The following MAP4K4 variants were observed in gnomAD, a reference collection of about 807,000 sequenced individuals.
MAP4K4 encodes HPK/GCK-like kinase HGK.
A neutral mutation model predicts 189.6 loss-of-function variants in MAP4K4; 38 were observed. The ratio of observed to expected loss-of-function variants is 0.20; its 90% CI spans 0.15 to 0.26. MAP4K4 has a LOEUF of 0.26. MAP4K4 is among the 10% of genes least tolerant of loss of function. The pLI is 1.00. For missense variants in MAP4K4, 1,054 were observed against 1,726.9 expected, an observed-to-expected ratio of 0.61 and a Z score of 6.91; for synonymous variants, 610 against 624.3, an observed-to-expected ratio of 0.98 and a Z score of 0.34.
chr2:101,752,477 C>T (rs988000372), intron 2 of MAP4K4, among the ~76,000 whole-genome samples: 2 of 152,156 alleles, frequency 1.3e-5, no homozygotes, highest in Non-Finnish European at 2.9e-5. Context: ...TGCATTTTCT[C>T]ATATCCTTAT....
intron 2 of MAP4K4, among the ~76,000 whole-genome samples, chr2:101,731,501 G>A (rs1361144326): frequency 2.6e-5 from 4 of 152,110 alleles, no homozygotes; most frequent in African/African-American, 4.8e-5. Context: ...GCTCACGCCT[G>A]TAATCCAAGC....
chr2:101,797,207 T>A, intron 3 of MAP4K4: 1 of 1,279,950 alleles, frequency 7.8e-7, no homozygotes, highest in Non-Finnish European at 1.0e-6. Flanking sequence ...GAAGGAGAGA[T>A]CTCTGTGGCC....
intron 2 of MAP4K4, among the ~76,000 whole-genome samples, chr2:101,725,121 C>A (rs1300796569): frequency 1.3e-5 from 2 of 152,068 alleles, no homozygotes; most frequent in African/African-American, 2.4e-5. Context: ...AGAACGTGTC[C>A]TCATCATCAA....
intron 2 of MAP4K4, among the ~76,000 whole-genome samples, chr2:101,715,173 G>A (rs1353256097): frequency 1.3e-5 from 2 of 152,096 alleles, no homozygotes; most frequent in African/African-American, 4.8e-5. Context: ...TTTGCAAATG[G>A]CCACCTTCTT....
intron 2 of MAP4K4, among the ~76,000 whole-genome samples, chr2:101,758,959 G>A (rs913433882): frequency 5.3e-5 from 8 of 151,660 alleles, no homozygotes; most frequent in African/African-American, 1.7e-4. Flanking sequence ...TGGTGAAACC[G>A]CGTCTCTACT....
intron 24 of MAP4K4, among the ~76,000 whole-genome samples, 194 bp from the exon 25 acceptor site, chr2:101,873,453 C>T (rs894010009): frequency 2.0e-5 from 3 of 152,036 alleles, no homozygotes; most frequent in African/African-American, 7.3e-5. Flanking sequence ...TGCAGTGGTT[C>T]CAGGTAAAGC....
intron 27 of MAP4K4, among the ~76,000 whole-genome samples, chr2:101,878,584 CAT>C (rs1234958512): frequency 7.9e-5 from 12 of 152,088 alleles, no homozygotes; most frequent in East Asian, 3.9e-4. Flanking sequence ...TTTTTTCTCT[CAT>C]GTGAACATTT....
intron 24 of MAP4K4, among the ~76,000 whole-genome samples, chr2:101,873,080 C>T (rs2098098192): frequency 6.6e-6 from 1 of 152,138 alleles, no homozygotes; most frequent in Non-Finnish European, 1.5e-5. Flanking sequence ...AAAAGATACG[C>T]CTTCTTTTGT....
intron 12 of MAP4K4, among the ~76,000 whole-genome samples, chr2:101,849,730 C>T (rs1338125943): frequency 6.7e-6 from 1 of 148,908 alleles, no homozygotes; most frequent in Admixed American, 6.7e-5. Flanking sequence ...TGTTCTTTGT[C>T]TAAGTTTAAT....
chr2:101,863,917 C>T, exon 17 of MAP4K4: 1 of 1,367,692 alleles, frequency 7.3e-7, no homozygotes, highest in South Asian at 1.1e-5. Flanking sequence ...TGCACACCAC[C>T]ATCTTCGTTC....
At chr2:101,823,287 G>T (rs1256824447) in intron 3 of MAP4K4, among the ~76,000 whole-genome samples, 1 of 152,142 alleles carries the variant, frequency 6.6e-6, no homozygotes, top group East Asian at 1.9e-4. Flanking sequence ...AAGATGCTAG[G>T]AGAGGAGCCA....
exon 33 of MAP4K4, chr2:101,891,382 G>C: frequency 1.5e-6 from 1 of 682,582 alleles, no homozygotes; most frequent in South Asian, 1.7e-5. Context: ...TCATGTGTTG[G>C]GTTCTCTCCC....
At chr2:101,873,025 T>A (rs1332200380) in intron 24 of MAP4K4, among the ~76,000 whole-genome samples, 1 of 152,224 alleles carries the variant, frequency 6.6e-6, no homozygotes, top group East Asian at 1.9e-4. Context: ...TTTTTTTGTC[T>A]TAAGTTACAT....
At chr2:101,725,359 C>T (rs575535002) in intron 2 of MAP4K4, among the ~76,000 whole-genome samples, 14 of 142,110 alleles carry the variant, frequency 9.9e-5, no homozygotes, top group African/African-American at 3.3e-4. Context: ...TTGTTGTATG[C>T]TTGAACTTTT....
At chr2:101,881,916 A>G (rs2098402826) in intron 27 of MAP4K4, among the ~76,000 whole-genome samples, 1 of 152,142 alleles carries the variant, frequency 6.6e-6, no homozygotes, top group Non-Finnish European at 1.5e-5. Context: ...TACTCATTTT[A>G]CTATCCATTC....
chr2:101,832,718 G>A (rs2149439161), intron 7 of MAP4K4, among the ~76,000 whole-genome samples: 1 of 152,216 alleles, frequency 6.6e-6, no homozygotes, highest in South Asian at 2.1e-4. Flanking sequence ...TTGGTAATTA[G>A]ACCTGACTGG....
intron 16 of MAP4K4, 70 bp from the exon 17 acceptor site, chr2:101,863,751 T>G: frequency 9.6e-7 from 1 of 1,043,594 alleles, no homozygotes; most frequent in Non-Finnish European, 1.4e-6. Context: ...TGCTTTGGAT[T>G]TGGTATTGAC....
chr2:101,745,972 T>TTG (rs5832985), intron 2 of MAP4K4, among the ~76,000 whole-genome samples: 5,757 of 146,496 alleles, frequency 0.039, 118 homozygotes, highest in African/African-American at 0.067. Flanking sequence ...CCTGTTTCCT[T>TTG]TGTGTGTGTG....
At chr2:101,763,869 C>T (rs1030292334) in intron 2 of MAP4K4, among the ~76,000 whole-genome samples, 1 of 152,068 alleles carries the variant, frequency 6.6e-6, no homozygotes, top group Admixed American at 6.6e-5. Flanking sequence ...ACAACATAAT[C>T]TGACTTAAAA....
Sources: allele counts gnomAD v4.1 joint callset (sites outside exome capture counted in the v4.1 genomes callset), GRCh38; gene constraint gnomAD v4.1.1; transcripts MANE v1.5; gene names NCBI Gene and HGNC (gene_info 2026-07-23, HGNC 2026-07-21).